Variants in CAMK2D observed in about 807,000 individuals in gnomAD.
CAMK2D encodes the protein calcium/calmodulin dependent protein kinase II delta.
A neutral mutation model predicts 84.0 loss-of-function variants in CAMK2D; 37 were observed. The observed-to-expected ratio is 0.44, with a 90% CI of 0.34 to 0.58. The LOEUF is 0.58. Ranked by LOEUF, CAMK2D falls within the 20% of genes least tolerant of loss-of-function variation. The pLI is 0.02. For synonymous variants in CAMK2D, 202 were observed against 212.5 expected, an observed-to-expected ratio of 0.95 and a Z score of 0.43; for missense variants, 448 against 652.5, an observed-to-expected ratio of 0.69 and a Z score of 3.41.
chr4:113,484,244 C>T (rs79987084), intron 16 of CAMK2D, among the ~76,000 whole-genome samples: 105 of 152,294 alleles, frequency 6.9e-4, no homozygotes, highest in Non-Finnish European at 1.2e-3. Context: ...AACCCAATGT[C>T]TAATTCCTAA....
chr4:113,504,517 G>A (rs1023042985), intron 14 of CAMK2D, among the ~76,000 whole-genome samples: 3 of 152,176 alleles, frequency 2.0e-5, no homozygotes, highest in African/African-American at 4.8e-5. Context: ...AGAGGGAAAC[G>A]AGAACTCTGA....
At chr4:113,634,726 G>C (rs553143336) in intron 3 of CAMK2D, among the ~76,000 whole-genome samples, 3 of 152,138 alleles carry the variant, frequency 2.0e-5, no homozygotes, top group African/African-American at 7.2e-5. Flanking sequence ...TTCTGTGCCA[G>C]GAGACTTTAT....
chr4:113,503,652 TATTA>T lies in CAMK2D; in HGVS notation c.1045-679_1045-676del, dbSNP rs374467900. 1.7e-3 allele frequency among the ~76,000 whole-genome samples: 255 copies of T among 152,306 alleles called. 2 individuals carry two copies. The highest frequency in any genetic ancestry group is 8.9e-3 in the East Asian group (46 of 5,186). ...TGAGGCATACTGCTATTAAATCCTG[TATTA>T]ATTCATATCTAAAAAACTTCTACTT... On this transcript the variant is annotated intron_variant, in intron 14 of 20. Transcript: ENST00000511664.
chr4:113,700,078 C>T (rs986441555), intron 2 of CAMK2D, among the ~76,000 whole-genome samples: 9 of 151,992 alleles, frequency 5.9e-5, no homozygotes, highest in Admixed American at 3.9e-4. Context: ...TAATATCCAA[C>T]GGGCAACTAA....
chr4:113,561,389 G>T (rs991359500), intron 4 of CAMK2D, among the ~76,000 whole-genome samples: 4 of 152,156 alleles, frequency 2.6e-5, no homozygotes, highest in Non-Finnish European at 4.4e-5. Flanking sequence ...GAGAAGGATT[G>T]CTAGAGCCCA....
At chr4:113,703,537 G>C (rs1038899207) in intron 2 of CAMK2D, among the ~76,000 whole-genome samples, 1 of 152,086 alleles carries the variant, frequency 6.6e-6, no homozygotes, top group East Asian at 1.9e-4. Flanking sequence ...TGCCCAGGCT[G>C]GTCTTGAACT....
chr4:113,735,087 A>C (rs1486496372), intron 2 of CAMK2D, among the ~76,000 whole-genome samples: 2 of 151,838 alleles, frequency 1.3e-5, no homozygotes, highest in Non-Finnish European at 2.9e-5. Flanking sequence ...CCAAGAAACT[A>C]CAATACCGAT....
At chr4:113,681,239 G>T (rs575423416) in intron 2 of CAMK2D, among the ~76,000 whole-genome samples, 9 of 152,166 alleles carry the variant, frequency 5.9e-5, no homozygotes, top group African/African-American at 1.9e-4. Context: ...ATCTTGAATT[G>T]TAGTTCCCAT....
At chr4:113,585,818 A>T (rs985982029) in intron 4 of CAMK2D, among the ~76,000 whole-genome samples, 3 of 152,168 alleles carry the variant, frequency 2.0e-5, no homozygotes, top group Non-Finnish European at 4.4e-5. Flanking sequence ...ATGCAGTTCC[A>T]GTTTTGTAAA....
Position 113,718,869 on chromosome 4 carries a change from T to G in CAMK2D, c.160+40451A>C, listed in dbSNP as rs17593352. On this transcript the variant is annotated intron_variant, in intron 2 of 20. Coordinates refer to ENST00000511664, the MANE Select transcript of CAMK2D (RefSeq NM_001321571.2). ...AAAATTTTGTCACTATATGCTTTTA[T>G]CTAAAGTTAGACAACATTTTAGACA... 0.015 allele frequency among the ~76,000 whole-genome samples: 2,247 copies of G among 152,286 alleles called. 92 individuals are homozygous for G. The East Asian group carries it at 0.15, about 10-fold the overall frequency.
chr4:113,483,508 C>T (rs973480370), intron 16 of CAMK2D, among the ~76,000 whole-genome samples: 4 of 151,778 alleles, frequency 2.6e-5, no homozygotes, highest in Non-Finnish European at 5.9e-5. Flanking sequence ...CGGGTTCAAG[C>T]GATTCTCTTG....
Position 113,484,216 on chromosome 4 carries a change from C to T in CAMK2D, c.1135+16247G>A, listed in dbSNP as rs547364891. Among the ~76,000 whole-genome samples, 6 of 152,292 alleles carry T rather than the reference C, an allele frequency of 3.9e-5. No individual in the cohort carries two copies. The South Asian group carries it at 1.2e-3, about 32-fold the overall frequency. On this transcript the variant is annotated intron_variant, in intron 16 of 20. Transcript: ENST00000511664. Reference sequence around the variant, plus strand: ...TATTCACAAGCCTCATCCCTTCTACCCAGCCATGGAATTTAGTAACCCAAT... The same window carrying T: ...TATTCACAAGCCTCATCCCTTCTACTCAGCCATGGAATTTAGTAACCCAAT...
intron 16 of CAMK2D, among the ~76,000 whole-genome samples, chr4:113,496,708 G>A (rs1233166132): frequency 2.0e-5 from 3 of 151,776 alleles, no homozygotes; most frequent in Non-Finnish European, 2.9e-5. Context: ...CTCAGCCTCC[G>A]AAAGTGCTGG....
chr4:113,561,387 T>C (rs1306128516), intron 4 of CAMK2D, among the ~76,000 whole-genome samples: 2 of 152,122 alleles, frequency 1.3e-5, no homozygotes, highest in African/African-American at 2.4e-5. Context: ...GGGAGAAGGA[T>C]TGCTAGAGCC....
chr4:113,494,772 C>T (rs540849780), intron 16 of CAMK2D, among the ~76,000 whole-genome samples: 1 of 152,278 alleles, frequency 6.6e-6, no homozygotes, highest in South Asian at 2.1e-4. Context: ...TCTCAGACTG[C>T]TGTGCTAGCA....
intron 16 of CAMK2D, among the ~76,000 whole-genome samples, chr4:113,473,296 T>C (rs2097568633): frequency 6.6e-6 from 1 of 152,228 alleles, no homozygotes; most frequent in African/African-American, 2.4e-5. Context: ...ATACAAATTA[T>C]GCTCTTGGTA....
In CAMK2D at chr4:113,761,559, A is replaced by G. The variant is rs1359517209; in HGVS notation, c.-491T>C. 15 of 985,576 alleles carry G rather than the reference A, an allele frequency of 1.5e-5. No individual in the cohort carries two copies. The highest frequency in any genetic ancestry group is 6.1e-5 in the Admixed American group (1 of 16,280). The allele number at this position is 985,576 out of a possible 1,614,324, so 61.1% of individuals were successfully genotyped here. ...CGCGGAGCCCAGAGCGGACAGCCTGAGCCCAGCGGCCGCTGTCAGCAGGCT... is the reference window on the plus strand; with the variant it reads ...CGCGGAGCCCAGAGCGGACAGCCTGGGCCCAGCGGCCGCTGTCAGCAGGCT... On this transcript the variant is annotated 5_prime_UTR_variant, in exon 1 of 21. Transcript: ENST00000511664.
At chr4:113,514,408 T>C (rs556196944) in intron 10 of CAMK2D, among the ~76,000 whole-genome samples, 2 of 152,038 alleles carry the variant, frequency 1.3e-5, no homozygotes, top group Non-Finnish European at 2.9e-5. Flanking sequence ...AGCAAGACTC[T>C]GTCTCAAAAC....
At chr4:113,525,725 G>T (rs1364783558) in intron 8 of CAMK2D, among the ~76,000 whole-genome samples, 1 of 152,200 alleles carries the variant, frequency 6.6e-6, no homozygotes. Context: ...TGAGGGTTCA[G>T]AGCTTAATTC....
Sources: allele counts gnomAD v4.1 joint callset (sites outside exome capture counted in the v4.1 genomes callset), GRCh38; gene constraint gnomAD v4.1.1; transcripts MANE v1.5; gene names NCBI Gene and HGNC (gene_info 2026-07-23, HGNC 2026-07-21).